The following ZFHX4 variants were observed in gnomAD, a reference collection of about 807,000 sequenced individuals.
ZFHX4 encodes zinc finger homeobox protein 4.
A neutral mutation model predicts 267.6 loss-of-function variants in ZFHX4; 56 were observed. The observed-to-expected ratio is 0.21, with a 90% CI of 0.17 to 0.26. The LOEUF is 0.26. Ranked by LOEUF, ZFHX4 falls within the 10% of genes least tolerant of loss-of-function variation. ZFHX4 has a pLI of 1.00. For missense variants in ZFHX4, 4,332 were observed against 4,420.0 expected (o/e 0.98, Z 0.56); for synonymous variants, 1,778 against 1,665.6 (o/e 1.07, Z -1.64).
At chr8:76,687,468 T>C (rs1807719597) in intron 1 of ZFHX4, among the ~76,000 whole-genome samples, 1 of 152,218 alleles carries the variant, frequency 6.6e-6, no homozygotes, top group South Asian at 2.1e-4. Flanking sequence ...TGTCAACCAG[T>C]CCAGCTACAT....
At chr8:76,821,145 A>G (rs527550188) in intron 4 of ZFHX4, among the ~76,000 whole-genome samples, 11 of 152,214 alleles carry the variant, frequency 7.2e-5, no homozygotes, top group Admixed American at 2.0e-4. Flanking sequence ...CCATCCTATG[A>G]CACCTGTCAC....
chr8:76,778,173 G>A, intron 3 of ZFHX4, 35 bp from the exon 4 acceptor site: 1 of 1,409,606 alleles, frequency 7.1e-7, no homozygotes, highest in Non-Finnish European at 1.0e-6. Flanking sequence ...CATGGAGCTA[G>A]ACCATTGTTC....
Position 76,855,615 on chromosome 8 carries a change from C to T in ZFHX4, c.8694C>T (p.Arg2898=), listed in dbSNP as rs777586699. 6.8e-6 allele frequency: 11 copies of T among 1,613,794 alleles called. No individual in the cohort carries two copies. The highest frequency in any genetic ancestry group is 6.8e-6 in the Non-Finnish European group (8 of 1,179,756). The change falls in exon 10 of 11, where the codon CGC becomes CGT. Residue 2898 remains arginine, a synonymous_variant. Transcript: ENST00000651372. ...ATGACCCGGATGACAACGCCGACCG[C>T]AGCGAAACGTCCAGCATAGCGGACC... is the stretch of plus-strand genomic sequence containing the variant. ...ITDDPDDNAD[R]SETSSIADPS...
At position 76,707,718 on chromosome 8, in the gene ZFHX4, T is replaced by G; in HGVS notation, c.2763T>G (p.Ser921Arg). 6.2e-7 allele frequency: 1 copy of G among 1,613,830 alleles called. No homozygotes were observed. Among genetic ancestry groups the G allele is most frequent in the Non-Finnish European group, 8.5e-7 (1 of 1,179,868 alleles). The change falls in exon 3 of 11, where the codon AGT becomes AGG. Residue 921 changes from serine to arginine, a missense_variant. Physicochemically the swap from Ser to Arg is moderately radical, Grantham distance 110. Coordinates refer to ENST00000651372, the MANE Select transcript of ZFHX4 (RefSeq NM_024721.5). The part of the protein sequence containing the change: ...KFTSDSLEAL[S>R]VHVSSERSLP... ...CCTCTGACAGCCTGGAGGCCCTAAG[T>G]GTGCATGTGAGCAGTGAGCGCTCTC...
At chr8:76,822,834 G>A (rs78706285) in intron 4 of ZFHX4, among the ~76,000 whole-genome samples, 5,233 of 151,794 alleles carry the variant, frequency 0.034, 210 homozygotes, top group East Asian at 0.18. Context: ...ACCCTTCATC[G>A]TCCGTACTCT....
chr8:76,761,126 AC>A (rs1225236089), intron 3 of ZFHX4, among the ~76,000 whole-genome samples: 11 of 152,134 alleles, frequency 7.2e-5, no homozygotes, highest in Non-Finnish European at 1.5e-4. Flanking sequence ...AAGTGATTAA[AC>A]TTGTTTATAT....
Position 76,854,206 on chromosome 8 carries a change from C to A in ZFHX4, c.7285C>A (p.Leu2429Met), listed in dbSNP as rs1177379973. Reference sequence around the variant, plus strand: ...CCCTTCTCAAGGCACCAAACCAGCCCTGCCATTAGCATCGACTTCCTCGGA... The same window carrying A: ...CCCTTCTCAAGGCACCAAACCAGCCATGCCATTAGCATCGACTTCCTCGGA... ...SPPSQGTKPALPLASTSSDPP... is the reference protein window; with the variant it reads ...SPPSQGTKPAMPLASTSSDPP... Residue 2429 changes from leucine to methionine, a missense_variant, in exon 10 of 11, where the codon CTG (leucine) becomes ATG (methionine). By Grantham distance (15) the Leu-to-Met change is conservative. Around this residue, in one of 7 missense-constraint regions of ZFHX4, gnomAD observed 1,648 missense variants for 1,625.0 expected, o/e 1.01. Transcript: ENST00000651372. 1 of 1,568,930 alleles carries A rather than the reference C, an allele frequency of 6.4e-7. No individual in the cohort carries two copies.
chr8:76,805,649 A>G (rs1235638912), intron 4 of ZFHX4, among the ~76,000 whole-genome samples: 1 of 151,270 alleles, frequency 6.6e-6, no homozygotes, highest in Non-Finnish European at 1.5e-5. Context: ...TATAAGCATC[A>G]GAGGATTATG....
At chr8:76,753,287 A>G (rs934310580) in intron 3 of ZFHX4, among the ~76,000 whole-genome samples, 1 of 152,188 alleles carries the variant, frequency 6.6e-6, no homozygotes, top group Non-Finnish European at 1.5e-5. Flanking sequence ...TAAATGACAC[A>G]AGATGTTGCC....
intron 5 of ZFHX4, among the ~76,000 whole-genome samples, chr8:76,838,328 C>T (rs1464047897): frequency 6.6e-6 from 1 of 152,118 alleles, no homozygotes; most frequent in Admixed American, 6.5e-5. Flanking sequence ...ATGTGACACT[C>T]TAAAGTGTAA....
chr8:76,755,622 A>C (rs896961180), intron 3 of ZFHX4, among the ~76,000 whole-genome samples: 6 of 152,194 alleles, frequency 3.9e-5, no homozygotes, highest in African/African-American at 1.4e-4. Flanking sequence ...ATACTGTTTG[A>C]AAGGCTGAAC....
At position 76,705,160 on chromosome 8, in the gene ZFHX4, C is replaced by T; in HGVS notation, c.1072C>T (p.Pro358Ser). 1.2e-6 allele frequency: 2 copies of T among 1,613,904 alleles called. No homozygotes were observed. Among genetic ancestry groups the T allele is most frequent in the East Asian group, 2.2e-5 (1 of 44,872 alleles). ...TACTACAAACCTCATAGGACCCGATCCAACCTTCCGCGGTTTATGGAGCGC... is the reference window on the plus strand; with the variant it reads ...TACTACAAACCTCATAGGACCCGATTCAACCTTCCGCGGTTTATGGAGCGC... ...FSTTNLIGPD[P>S]TFRGLWSAFH... Residue 358 changes from proline (P) to serine (S), a missense_variant, in exon 2 of 11, where the codon CCA (proline) becomes TCA (serine). This residue lies in a region of ZFHX4 where 1,195 missense variants were observed against 1,173.6 expected (regional missense o/e 1.02). Transcript: ENST00000651372.
chr8:76,848,942 C>T, intron 6 of ZFHX4, 53 bp from the exon 7 acceptor site: 2 of 1,424,774 alleles, frequency 1.4e-6, no homozygotes. Context: ...TAATTTTTCT[C>T]ATTTCGGAAT....
At chr8:76,806,328 A>T (rs1811244502) in intron 4 of ZFHX4, among the ~76,000 whole-genome samples, 1 of 152,138 alleles carries the variant, frequency 6.6e-6, no homozygotes, top group African/African-American at 2.4e-5. Context: ...AATTCTTGAG[A>T]TCTGACCAGT....
chr8:76,787,534 G>C (rs1332545120), intron 4 of ZFHX4, among the ~76,000 whole-genome samples: 2 of 151,656 alleles, frequency 1.3e-5, no homozygotes, highest in African/African-American at 4.8e-5. Context: ...CAGGTGCGGT[G>C]GCTCATGCCT....
chr8:76,757,226 A>T (rs931503765), intron 3 of ZFHX4, among the ~76,000 whole-genome samples: 1 of 152,204 alleles, frequency 6.6e-6, no homozygotes, highest in African/African-American at 2.4e-5. Flanking sequence ...CCAGACAAAA[A>T]GAATTGCAAT....
intron 1 of ZFHX4, chr8:76,703,452 T>C (rs1585861754): frequency 2.0e-5 from 3 of 152,328 alleles, no homozygotes; most frequent in Non-Finnish European, 4.4e-5. Context: ...TGAGAGCTTT[T>C]GCACAAGGAA....
rs770173843 is a variant in ZFHX4, at chr8:76,705,907, G to A, written c.1819G>A (p.Gly607Ser). The change falls in exon 2 of 11, where the codon GGC (glycine) becomes AGC (serine). Residue 607 changes from glycine (G) to serine (S), a missense_variant. This residue lies in a region of ZFHX4 where 1,195 missense variants were observed against 1,173.6 expected (regional missense o/e 1.02). Transcript: ENST00000651372. ...TGGCACACCAGGGCCTGGAGGAGACGGCTCACCGGGCAGTGGCATCGAGTG... is the reference window on the plus strand; with the variant it reads ...TGGCACACCAGGGCCTGGAGGAGACAGCTCACCGGGCAGTGGCATCGAGTG... ...TPGTPGPGGD[G>S]SPGSGIECPK... The A allele has an allele frequency of 1.2e-6, 2 of 1,613,732 alleles. No homozygotes were observed. The highest frequency in any genetic ancestry group is 1.3e-5 in the African/African-American group (1 of 74,962).
At chr8:76,733,609 C>T (rs991985873) in intron 3 of ZFHX4, 1 of 152,148 alleles carries the variant, frequency 6.6e-6, no homozygotes, top group African/African-American at 2.4e-5. Context: ...ATGAAGAAAA[C>T]ATATTCATTT....
Sources: allele counts gnomAD v4.1 joint callset (sites outside exome capture counted in the v4.1 genomes callset), GRCh38; gene constraint gnomAD v4.1.1; regional missense constraint gnomAD v4.1.1; transcripts MANE v1.5; gene names NCBI Gene and HGNC (gene_info 2026-07-23, HGNC 2026-07-21).